HTR2A: variants seen among roughly 807,000 people sequenced by gnomAD.
HTR2A encodes the protein 5-hydroxytryptamine receptor 2A, also known as 5-HT2 receptor.
In HTR2A, 14 loss-of-function variants were observed where a neutral mutation model predicts 31.0. The ratio of observed to expected loss-of-function variants is 0.45; its 90% CI spans 0.30 to 0.71. HTR2A has a LOEUF of 0.71. Among genes scored for constraint, HTR2A ranks in the 30% least tolerant of loss-of-function variants. HTR2A has a pLI of 0.09. For synonymous variants in HTR2A, 209 were observed against 225.2 expected (o/e 0.93, Z 0.64); for missense variants, 442 against 573.3 (o/e 0.77, Z 2.34).
At chr13:46,839,653 G>A (rs1008096169) in intron 3 of HTR2A, among the ~76,000 whole-genome samples, 3 of 152,150 alleles carry the variant, frequency 2.0e-5, no homozygotes, top group African/African-American at 7.2e-5. Context: ...TTTCTGAAGA[G>A]TGGAAAACAG....
chr13:46,877,736 T>A (rs1240631132), intron 3 of HTR2A, among the ~76,000 whole-genome samples: 2 of 152,006 alleles, frequency 1.3e-5, no homozygotes, highest in Non-Finnish European at 2.9e-5. Flanking sequence ...TATAGAGATA[T>A]GGAGGGGTTT....
chr13:46,868,501 C>T (rs1326403550), intron 3 of HTR2A, among the ~76,000 whole-genome samples: 3 of 152,154 alleles, frequency 2.0e-5, no homozygotes. Context: ...TCTAATATTT[C>T]CCCAAAATAT....
At chr13:46,893,630 G>A (rs1407986706) in intron 2 of HTR2A, among the ~76,000 whole-genome samples, 2 of 152,176 alleles carry the variant, frequency 1.3e-5, no homozygotes, top group South Asian at 2.1e-4. Flanking sequence ...CAATTCCAAT[G>A]TAAGAGATAC....
chr13:46,833,076 A>G lies in HTR2A; in HGVS notation c.*1761T>C, dbSNP rs1047289978. 2.0e-5 allele frequency: 3 copies of G among 152,200 alleles called. No individual in the cohort carries two copies. The highest frequency in any genetic ancestry group is 7.2e-5 in the African/African-American group (3 of 41,446). 9.4% of individuals were successfully genotyped at this position (152,200 alleles called of 1,614,324 possible). On this transcript the variant is annotated 3_prime_UTR_variant, in exon 4 of 4. Coordinates refer to ENST00000542664, the MANE Select transcript of HTR2A (RefSeq NM_000621.5). The stretch of plus-strand genomic sequence containing the variant: ...ATGAGTGAGTTTTTGGAGAAATAGA[A>G]GAAAAATTTTGCTCAAAACTATGGT...
chr13:46,870,651 C>A (rs2138226368), intron 3 of HTR2A, among the ~76,000 whole-genome samples: 1 of 152,174 alleles, frequency 6.6e-6, no homozygotes. Flanking sequence ...ATCTATTGTG[C>A]AAAATAACTT....
At position 46,832,756 on chromosome 13, in the gene HTR2A, T is replaced by C. The variant is rs955218390; in HGVS notation, c.*2081A>G. ...ATCTATGAGGACATAATGAGAATTTTATGCATTTCCAAATTACACAATGAC... is the reference window on the plus strand; with the variant it reads ...ATCTATGAGGACATAATGAGAATTTCATGCATTTCCAAATTACACAATGAC... On this transcript the variant is annotated 3_prime_UTR_variant, in exon 4 of 4. Coordinates refer to ENST00000542664, the MANE Select transcript of HTR2A (RefSeq NM_000621.5). 1.3e-5 allele frequency: 2 copies of C among 152,224 alleles called. No homozygotes were observed. The highest frequency in any genetic ancestry group is 2.4e-5 in the African/African-American group (1 of 41,464). The allele number at this position is 152,224 out of a possible 1,614,324, so 9.4% of individuals were successfully genotyped here.
rs766250729 is a variant in HTR2A, at chr13:46,835,582, T to G, written c.671A>C (p.Glu224Ala). The G allele has an allele frequency of 3.1e-6, 5 of 1,613,868 alleles. No individual in the cohort carries two copies. The African/African-American group carries it at 6.7e-5, about 22-fold the overall frequency. The change falls in exon 4 of 4, where the codon GAG becomes GCG. Residue 224 changes from glutamate (E) to alanine (A), a missense_variant. By Grantham distance (107) the Glu-to-Ala change is moderately radical (BLOSUM62 -1). Coordinates refer to ENST00000542664, the MANE Select transcript of HTR2A (RefSeq NM_000621.5). ...GLQDDSKVFKEGSCLLADDNF... is the reference protein window; with the variant it reads ...GLQDDSKVFKAGSCLLADDNF... ...ATCATCGGCGAGTAAGCAACTCCCC[T>G]CCTTAAAGACCTTCGAATCGTCCTG...
At position 46,846,040 on chromosome 13, in the gene HTR2A, G is replaced by A. The variant is rs555210110; in HGVS notation, c.614-10401C>T. Among the ~76,000 whole-genome samples the A allele has an allele frequency of 2.0e-5, 3 of 152,242 alleles. No individual in the cohort carries two copies. In the East Asian group the frequency reaches 5.8e-4, roughly 29 times the overall value. On this transcript the variant is annotated intron_variant, in intron 3 of 3. Transcript: ENST00000542664. ...ACAGATTTGTAGCCTAGGAGCATTA[G>A]GCTGTCCCACACAGCCTAGGTAGGG...
rs901994110 is a variant in HTR2A, at chr13:46,860,935, G to A, written c.614-25296C>T. Among the ~76,000 whole-genome samples, 4 of 152,306 alleles carry A rather than the reference G, an allele frequency of 2.6e-5. No individual in the cohort carries two copies. The South Asian group carries it at 8.3e-4, about 32-fold the overall frequency. On this transcript the variant is annotated intron_variant, in intron 3 of 3. Transcript: ENST00000542664. ...AAGCACAGGGAGCTTGATGAAAAAT[G>A]AATGGCTCCCAGGCAGAATTTCCAC... is the stretch of plus-strand genomic sequence containing the variant.
chr13:46,874,639 A>G (rs1566314037), intron 3 of HTR2A, among the ~76,000 whole-genome samples: 2 of 152,264 alleles, frequency 1.3e-5, no homozygotes, highest in Non-Finnish European at 2.9e-5. Flanking sequence ...GATGCAAACA[A>G]TGGAAGGGCA....
rs140353574 is a variant in HTR2A at position 46,834,823 on chromosome 13, C to T, written c.*14G>A. The T allele has an allele frequency of 3.8e-4, 603 of 1,577,580 alleles. No homozygotes were observed. Among genetic ancestry groups the T allele is most frequent in the Non-Finnish European group, 4.7e-4 (539 of 1,158,858 alleles). ...CTCAGTGTGCCTTCCACAGTTGCCACGGCAACTAGCCTATCACACACAGCT... is the reference window on the plus strand; with the variant it reads ...CTCAGTGTGCCTTCCACAGTTGCCATGGCAACTAGCCTATCACACACAGCT... On this transcript the variant is annotated 3_prime_UTR_variant, in exon 4 of 4. Coordinates refer to ENST00000542664, the MANE Select transcript of HTR2A (RefSeq NM_000621.5).
In HTR2A at chr13:46,833,748, G is replaced by A. The variant is rs1876334574; in HGVS notation, c.*1089C>T. On this transcript the variant is annotated 3_prime_UTR_variant, in exon 4 of 4. Coordinates refer to ENST00000542664, the MANE Select transcript of HTR2A (RefSeq NM_000621.5). Reference sequence around the variant, plus strand: ...CTAGAAATTTGCTTCACACATAAATGTACACTCAATAGATGATTGTGGAAC... The same window carrying A: ...CTAGAAATTTGCTTCACACATAAATATACACTCAATAGATGATTGTGGAAC... 6.6e-6 allele frequency: 1 copy of A among 152,108 alleles called. No homozygotes were observed. Among genetic ancestry groups the A allele is most frequent in the South Asian group, 2.1e-4 (1 of 4,828 alleles). The allele number at this position is 152,108 out of a possible 1,614,324, so 9.4% of individuals were successfully genotyped here.
chr13:46,884,690 T>G (rs1950992387), intron 3 of HTR2A, among the ~76,000 whole-genome samples: 1 of 152,012 alleles, frequency 6.6e-6, no homozygotes, highest in Non-Finnish European at 1.5e-5. Context: ...AAAACAAAAC[T>G]GTGACAAAAC....
At chr13:46,892,022 C>T (rs1327783612) in intron 3 of HTR2A, among the ~76,000 whole-genome samples, 1 of 152,202 alleles carries the variant, frequency 6.6e-6, no homozygotes, top group Non-Finnish European at 1.5e-5. Context: ...GCAAAGTGGT[C>T]TGCATCCTTA....
rs755187812 is a variant in HTR2A at position 46,835,372 on chromosome 13, A to G, written c.881T>C (p.Leu294Pro). 4.3e-6 allele frequency: 7 copies of G among 1,614,098 alleles called. No individual in the cohort carries two copies. In the African/African-American group the frequency reaches 9.3e-5, roughly 22 times the overall value. ...LPQSSLSSEKLFQRSIHREPG... is the reference protein window; with the variant it reads ...LPQSSLSSEKPFQRSIHREPG... Reference sequence around the variant, plus strand: ...CTCCCTATGGATCGACCGCTGGAAGAGCTTTTCTGAAGACAAAGAACTCTG... The same window carrying G: ...CTCCCTATGGATCGACCGCTGGAAGGGCTTTTCTGAAGACAAAGAACTCTG... Residue 294 changes from leucine to proline, a missense_variant, in exon 4 of 4, where the codon CTC becomes CCC. Transcript: ENST00000542664.
intron 3 of HTR2A, among the ~76,000 whole-genome samples, chr13:46,867,416 A>T (rs1224453219): frequency 1.2e-4 from 19 of 152,192 alleles, no homozygotes; most frequent in Admixed American, 1.2e-3. Flanking sequence ...GATCATTTTC[A>T]ATTTGAATCT....
chr13:46,853,469 C>G (rs904060697), intron 3 of HTR2A, among the ~76,000 whole-genome samples: 1 of 152,186 alleles, frequency 6.6e-6, no homozygotes, highest in African/African-American at 2.4e-5. Context: ...AATCACCTGG[C>G]AGCCTTAAAT....
At chr13:46,894,269 G>A (rs964812957) in intron 2 of HTR2A, among the ~76,000 whole-genome samples, 2 of 152,146 alleles carry the variant, frequency 1.3e-5, no homozygotes, top group Non-Finnish European at 2.9e-5. Flanking sequence ...CCAAGCGGGT[G>A]ACGCCGGGGG....
rs759261795 is a variant in HTR2A at position 46,835,545 on chromosome 13, C to G, written c.708G>C (p.Leu236=). ...TGAAAAATGACACAAAAGAGCCGAT[C>G]AGGACAAAGTTATCATCGGCGAGTA... is the stretch of plus-strand genomic sequence containing the variant. The part of the protein sequence containing the change: ...SCLLADDNFV[L]IGSFVSFFIP... The change falls in exon 4 of 4, where the codon CTG becomes CTC. Residue 236 remains leucine (L), a synonymous_variant. Coordinates refer to ENST00000542664, the MANE Select transcript of HTR2A (RefSeq NM_000621.5). 5 of 1,614,016 alleles carry G rather than the reference C, an allele frequency of 3.1e-6. No individual in the cohort carries two copies. The East Asian group carries it at 8.9e-5, about 29-fold the overall frequency.
Sources: allele counts gnomAD v4.1 joint callset (sites outside exome capture counted in the v4.1 genomes callset), GRCh38; gene constraint gnomAD v4.1.1; transcripts MANE v1.5; gene names NCBI Gene and HGNC (gene_info 2026-07-23, HGNC 2026-07-21).